ANKRD6: variants seen among roughly 807,000 people sequenced by gnomAD.
ANKRD6 encodes ankyrin repeat domain-containing protein 6.
A neutral mutation model predicts 82.3 loss-of-function variants in ANKRD6; 56 were observed. The ratio of observed to expected loss-of-function variants is 0.68; its 90% CI spans 0.55 to 0.85. The LOEUF is 0.85. Ranked by LOEUF, ANKRD6 falls within the 40% of genes least tolerant of loss-of-function variation. The pLI is 0.00. For missense variants in ANKRD6, 852 were observed against 907.6 expected (o/e 0.94, Z 0.79); for synonymous variants, 347 against 352.1 (o/e 0.99, Z 0.16).
Position 89,462,188 on chromosome 6 carries a change from C to T in ANKRD6, c.-144+28813C>T, listed in dbSNP as rs556573004. Among the ~76,000 whole-genome samples the T allele has an allele frequency of 4.7e-5, 7 of 150,510 alleles. No individual in the cohort carries two copies. The East Asian group carries it at 9.7e-4, about 21-fold the overall frequency. ...TGGAGGTTGCAGTGGGCCGAGATCA[C>T]GCCACTGCACTCCAGCCTGGGCAAC... is the stretch of plus-strand genomic sequence containing the variant. On this transcript the variant is annotated intron_variant, in intron 1 of 15. Transcript: ENST00000339746.
intron 1 of ANKRD6, among the ~76,000 whole-genome samples, chr6:89,519,153 T>A (rs1289011785): frequency 1.3e-5 from 2 of 152,190 alleles, no homozygotes; most frequent in African/African-American, 4.8e-5. Flanking sequence ...AGCGTATGAA[T>A]TTTGGAGGGA....
At chr6:89,438,324 T>C (rs1463991037) in intron 1 of ANKRD6, among the ~76,000 whole-genome samples, 1 of 152,190 alleles carries the variant, frequency 6.6e-6, no homozygotes, top group Non-Finnish European at 1.5e-5. Context: ...CTTCTTGTGA[T>C]GCCACCATCT....
chr6:89,618,514 T>G, intron 9 of ANKRD6: 1 of 265,382 alleles, frequency 3.8e-6, no homozygotes, highest in Non-Finnish European at 7.1e-6. Context: ...TTTCCTCTTT[T>G]ACTGACTAAT....
intron 1 of ANKRD6, among the ~76,000 whole-genome samples, chr6:89,530,744 A>C (rs994576154): frequency 1.3e-5 from 2 of 152,214 alleles, no homozygotes; most frequent in Non-Finnish European, 2.9e-5. Context: ...TTGCTTTGAA[A>C]ATGTTCCGGG....
rs546646486 is a variant in ANKRD6 at position 89,618,188 on chromosome 6, G to A, written c.792+157G>A. On this transcript the variant is annotated intron_variant, in intron 9 of 15. Transcript: ENST00000339746. ...GGCATGCATGGGGGCCCAGGATGACGGGAGTCAAAGGCATCAAGTCCAGCT... is the reference window on the plus strand; with the variant it reads ...GGCATGCATGGGGGCCCAGGATGACAGGAGTCAAAGGCATCAAGTCCAGCT... 1.0e-4 allele frequency: 81 copies of A among 790,830 alleles called. No individual in the cohort carries two copies. In the African/African-American group the frequency reaches 1.1e-3, roughly 11 times the overall value. The allele number at this position is 790,830 out of a possible 1,614,324, so 49.0% of individuals were successfully genotyped here. A position where few individuals can be genotyped will look rare whatever the true frequency, so the allele number is the denominator to read the frequency against.
chr6:89,541,128 T>A (rs1784403812), intron 1 of ANKRD6, among the ~76,000 whole-genome samples: 1 of 152,136 alleles, frequency 6.6e-6, no homozygotes, highest in African/African-American at 2.4e-5. Flanking sequence ...TGGTTCCGTA[T>A]AAATTTTAGG....
chr6:89,572,465 C>T (rs1790138240), intron 2 of ANKRD6, among the ~76,000 whole-genome samples: 1 of 152,158 alleles, frequency 6.6e-6, no homozygotes, highest in Non-Finnish European at 1.5e-5. Context: ...AGTGGTATCT[C>T]GTTGTTTGTA....
intron 1 of ANKRD6, among the ~76,000 whole-genome samples, chr6:89,514,669 A>G (rs1299714259): frequency 6.6e-6 from 1 of 152,212 alleles, no homozygotes; most frequent in Non-Finnish European, 1.5e-5. Flanking sequence ...TGCTGCAGTG[A>G]ACATTCCCCA....
At chr6:89,527,095 G>T (rs760566746) in intron 1 of ANKRD6, among the ~76,000 whole-genome samples, 19 of 152,298 alleles carry the variant, frequency 1.2e-4, no homozygotes, top group Middle Eastern at 6.8e-3. Context: ...GTTCACACAT[G>T]AAATTAACAA....
rs376623707 is a variant in ANKRD6 at position 89,585,682 on chromosome 6, G to C, written c.121-10234G>C. Among the ~76,000 whole-genome samples the C allele has an allele frequency of 2.2e-4, 34 of 152,240 alleles. 1 individual carries two copies. Among genetic ancestry groups the C allele is most frequent in the East Asian group, 1.2e-3 (6 of 5,196 alleles). ...CCAGCACTTTGGGAGGCCAAGGCGG[G>C]TGGATCACTTGAGGCCAGGGGTTTG... On this transcript the variant is annotated intron_variant, in intron 2 of 15. Coordinates refer to ENST00000339746, the MANE Select transcript of ANKRD6 (RefSeq NM_001242809.2).
intron 1 of ANKRD6, among the ~76,000 whole-genome samples, chr6:89,563,824 G>A (rs1335618625): frequency 6.6e-6 from 1 of 152,124 alleles, no homozygotes; most frequent in Non-Finnish European, 1.5e-5. Context: ...GGGTATCATT[G>A]TTCTAGATGG....
intron 1 of ANKRD6, among the ~76,000 whole-genome samples, chr6:89,472,720 C>T (rs1180704374): frequency 6.6e-6 from 1 of 152,140 alleles, no homozygotes; most frequent in Non-Finnish European, 1.5e-5. Flanking sequence ...TCTCACTGGC[C>T]CACGTTGGAG....
chr6:89,449,596 A>C (rs865901931), intron 1 of ANKRD6, among the ~76,000 whole-genome samples: 2 of 152,208 alleles, frequency 1.3e-5, no homozygotes, highest in African/African-American at 4.8e-5. Context: ...AATTGCAGCA[A>C]TTCAGACAAG....
chr6:89,458,704 G>T (rs1219222600), intron 1 of ANKRD6, among the ~76,000 whole-genome samples: 2 of 152,186 alleles, frequency 1.3e-5, no homozygotes, highest in Non-Finnish European at 2.9e-5. Flanking sequence ...CACCCAGATT[G>T]AGGGTGGATC....
chr6:89,629,408 T>G, intron 15 of ANKRD6, 170 bp downstream of exon 15: 1 of 869,564 alleles, frequency 1.2e-6, no homozygotes, highest in Non-Finnish European at 1.8e-6. Context: ...TATACTCAGT[T>G]GCTATGTAAT....
chr6:89,566,985 G>T lies in ANKRD6; in HGVS notation c.9G>T (p.Gln3His). The T allele has an allele frequency of 6.3e-7, 1 of 1,592,286 alleles. No individual in the cohort carries two copies. Among genetic ancestry groups the T allele is most frequent in the Non-Finnish European group, 8.6e-7 (1 of 1,168,644 alleles). MSQQDAVAALSER... is the reference protein window; with the variant it reads MSHQDAVAALSER... ...CCTTTCTTTCCTAATTCATGAGCCA[G>T]CAAGATGCGGTCGCTGCACTTTCAG... The change falls in exon 2 of 16, where the codon CAG becomes CAT. Residue 3 changes from glutamine to histidine, a missense_variant. Physicochemically the swap from Gln to His is conservative, Grantham distance 24. Coordinates refer to ENST00000339746, the MANE Select transcript of ANKRD6 (RefSeq NM_001242809.2).
At chr6:89,549,223 A>G (rs1583221205) in intron 1 of ANKRD6, among the ~76,000 whole-genome samples, 4 of 152,200 alleles carry the variant, frequency 2.6e-5, no homozygotes, top group Admixed American at 2.6e-4. Context: ...AAAAAGAAAA[A>G]AGGAAAAAGT....
chr6:89,608,975 C>T (rs371400090), intron 5 of ANKRD6, among the ~76,000 whole-genome samples: 6 of 152,334 alleles, frequency 3.9e-5, no homozygotes, highest in Admixed American at 3.3e-4. Flanking sequence ...CCTAGAGCAC[C>T]TCCTGTGCCC....
intron 1 of ANKRD6, among the ~76,000 whole-genome samples, chr6:89,454,706 A>G (rs144725520): frequency 9.8e-5 from 15 of 152,370 alleles, no homozygotes; most frequent in Admixed American, 3.3e-4. Context: ...TATTGGAATC[A>G]TGTAAAGTGA....
Sources: allele counts gnomAD v4.1 joint callset (sites outside exome capture counted in the v4.1 genomes callset), GRCh38; gene constraint gnomAD v4.1.1; transcripts MANE v1.5; gene names NCBI Gene and HGNC (gene_info 2026-07-23, HGNC 2026-07-21).